Variants in PLAAT5 observed in about 807,000 individuals in gnomAD.
PLAAT5 encodes phospholipase A and acyltransferase 5.
Under a neutral mutation model 27.8 loss-of-function variants are expected in PLAAT5, and 27 were observed. The observed-to-expected ratio is 0.97, with a 90% CI of 0.72 to 1.34. The LOEUF is 1.34. Among genes scored for constraint, PLAAT5 ranks in the 40% most tolerant of loss-of-function variants. The probability of loss-of-function intolerance (pLI) is 0.00; values close to 1 mark genes in which losing one functional copy is unlikely to be tolerated. For synonymous variants in PLAAT5, 125 were observed against 136.1 expected (o/e 0.92, Z 0.57); for missense variants, 368 against 343.8 (o/e 1.07, Z -0.56).
intron 3 of PLAAT5, among the ~76,000 whole-genome samples, chr11:63,483,842 T>TATATACAC (rs1345938456): frequency 1.1e-5 from 1 of 94,008 alleles, no homozygotes; most frequent in Non-Finnish European, 2.2e-5. Flanking sequence ...TATATATATA[T>TATATACAC]ACACATATAT....
rs2016562329 is a variant in PLAAT5 at position 63,491,119 on chromosome 11, G to C, written c.-85C>G. On this transcript the variant is annotated 5_prime_UTR_variant, in exon 1 of 6. Coordinates refer to ENST00000540857, the MANE Select transcript of PLAAT5 (RefSeq NM_001146729.2). ...TCCCAGTCGGCGCGGCCCCTGGTCGGCGGAGCCGCGGAAGCTTGGGCACTG... is the reference window on the plus strand; with the variant it reads ...TCCCAGTCGGCGCGGCCCCTGGTCGCCGGAGCCGCGGAAGCTTGGGCACTG... The C allele has an allele frequency of 1.7e-6, 2 of 1,197,408 alleles. No individual in the cohort carries two copies. Among genetic ancestry groups the C allele is most frequent in the Admixed American group, 4.0e-5 (1 of 25,080 alleles). 74.2% of individuals were successfully genotyped at this position (1,197,408 alleles called of 1,614,324 possible).
chr11:63,489,989 G>A (rs554417602), intron 2 of PLAAT5, among the ~76,000 whole-genome samples: 1 of 152,350 alleles, frequency 6.6e-6, no homozygotes, highest in Non-Finnish European at 1.5e-5. Flanking sequence ...TCCTGCTAAA[G>A]CCATTCATTT....
chr11:63,482,059 TA>T (rs1021154972), intron 3 of PLAAT5, among the ~76,000 whole-genome samples: 4 of 149,188 alleles, frequency 2.7e-5, no homozygotes, highest in Admixed American at 1.3e-4. Context: ...AGTATAATAA[TA>T]AAAAAAAAGA....
At chr11:63,464,664 A>AG (rs2015810188) in intron 5 of PLAAT5, among the ~76,000 whole-genome samples, 1 of 151,968 alleles carries the variant, frequency 6.6e-6, no homozygotes, top group South Asian at 2.1e-4. Context: ...TCAAAAAAAA[A>AG]GGGGAGTAGT....
rs139644791 is a variant in PLAAT5, at chr11:63,466,127, C to T, written c.700G>A (p.Val234Ile). ...GGTCACACCTGCTGGCTCCGGGGTA[C>T]GCCATATCTGAGGCCATTGACAAAG... Reference protein sequence around the residue: ...EHFVNGLRYGVPRSQQVEHAL... With the variant: ...EHFVNGLRYGIPRSQQVEHAL... The change falls in exon 5 of 6, where the codon GTA (valine) becomes ATA (isoleucine). Residue 234 changes from valine to isoleucine, a missense_variant. By Grantham distance (29) the Val-to-Ile change is conservative. Transcript: ENST00000540857. 104 of 1,614,040 alleles carry T rather than the reference C, an allele frequency of 6.4e-5. No individual in the cohort carries two copies. The highest frequency in any genetic ancestry group is 3.9e-4 in the African/African-American group (29 of 75,044).
At chr11:63,480,901 C>T (rs542013703) in intron 3 of PLAAT5, among the ~76,000 whole-genome samples, 21 of 152,272 alleles carry the variant, frequency 1.4e-4, no homozygotes, top group African/African-American at 4.6e-4. Context: ...CCCTGTTTGC[C>T]TTTGTGTGAT....
chr11:63,481,008 T>C (rs2016271037), intron 3 of PLAAT5, among the ~76,000 whole-genome samples: 1 of 152,258 alleles, frequency 6.6e-6, no homozygotes, highest in African/African-American at 2.4e-5. Flanking sequence ...AAGTGTGTCT[T>C]TCATTTCCAT....
chr11:63,475,174 G>T (rs2016122915), intron 3 of PLAAT5, among the ~76,000 whole-genome samples: 1 of 151,534 alleles, frequency 6.6e-6, no homozygotes, highest in Admixed American at 6.6e-5. Flanking sequence ...ATGTCAGTTA[G>T]TTGCTTACAT....
At position 63,466,863 on chromosome 11, in the gene PLAAT5, G is replaced by T. The variant is rs145591986; in HGVS notation, c.455-491C>A. On this transcript the variant is annotated intron_variant, in intron 4 of 5. Coordinates refer to ENST00000540857, the MANE Select transcript of PLAAT5 (RefSeq NM_001146729.2). ...CCAAGCAGGGCTCTGAATGGCACCT[G>T]CTCCTGCCAGCTTCCACCTACAGCC... Among the ~76,000 whole-genome samples, 330 of 152,298 alleles carry T rather than the reference G, an allele frequency of 2.2e-3. 1 individual carries two copies. Among genetic ancestry groups the T allele is most frequent in the Non-Finnish European group, 3.5e-3 (241 of 68,022 alleles).
chr11:63,479,385 A>G (rs1171374761), intron 3 of PLAAT5, among the ~76,000 whole-genome samples: 1 of 152,242 alleles, frequency 6.6e-6, no homozygotes, highest in Non-Finnish European at 1.5e-5. Context: ...AGGATCAGAG[A>G]AACTGTTTTA....
Position 63,490,933 on chromosome 11 carries a change from G to A in PLAAT5, c.102C>T (p.Pro34=). The change falls in exon 1 of 6, where the codon CCC becomes CCT. Residue 34 remains proline (P), a synonymous_variant. Transcript: ENST00000540857. ...KPASRTASTG[P]KDQPPALRRS... is the part of the protein sequence containing the mutation. ...GTCTGAGCGCAGGCGGCTGGTCCTT[G>A]GGCCCGGTACTGGCGGTTCGCGAGG... is the stretch of plus-strand genomic sequence containing the variant. 6.2e-7 allele frequency: 1 copy of A among 1,604,558 alleles called. No homozygotes were observed. The highest frequency in any genetic ancestry group is 8.5e-7 in the Non-Finnish European group (1 of 1,175,934).
chr11:63,463,458 T>A lies in PLAAT5; in HGVS notation c.*45A>T, dbSNP rs754728580. The A allele has an allele frequency of 2.8e-6, 4 of 1,427,452 alleles. No homozygotes were observed. The South Asian group carries it at 4.6e-5, about 16-fold the overall frequency. The allele number at this position is 1,427,452 out of a possible 1,614,324, so 88.4% of individuals were successfully genotyped here. A position where few individuals can be genotyped will look rare whatever the true frequency, so the allele number is the denominator to read the frequency against. On this transcript the variant is annotated 3_prime_UTR_variant, in exon 6 of 6. Transcript: ENST00000540857. ...GCAAGGGAAGGAAGCATGTTCTTTT[T>A]GCTTGTGTCAGTAACTCTTCCTCTA...
At chr11:63,490,183 CAA>C in intron 2 of PLAAT5, 58 bp downstream of exon 2, 1 of 1,610,394 alleles carries the variant, frequency 6.2e-7, no homozygotes, top group South Asian at 1.1e-5. Context: ...AACTGCATTC[CAA>C]GTCAATTCTC....
intron 5 of PLAAT5, among the ~76,000 whole-genome samples, chr11:63,464,429 G>A (rs763393137): frequency 2.6e-5 from 4 of 152,182 alleles, no homozygotes; most frequent in South Asian, 2.1e-4. Context: ...AGGCTGAGGC[G>A]TGTGGGTCAC....
rs147723429 is a variant in PLAAT5 at position 63,466,922 on chromosome 11, T to G, written c.455-550A>C. On this transcript the variant is annotated intron_variant, in intron 4 of 5. Coordinates refer to ENST00000540857, the MANE Select transcript of PLAAT5 (RefSeq NM_001146729.2). ...GACCTCTACTCAAATACGGGGATTC[T>G]CATTAAGGGTATGTTTGAAAACAGG... Among the ~76,000 whole-genome samples the G allele has an allele frequency of 4.9e-3, 747 of 152,246 alleles. 11 individuals carry two copies. Among genetic ancestry groups the G allele is most frequent in the African/African-American group, 0.017 (690 of 41,532 alleles).
At chr11:63,464,384 G>A (rs1017201822) in intron 5 of PLAAT5, among the ~76,000 whole-genome samples, 1 of 152,204 alleles carries the variant, frequency 6.6e-6, no homozygotes, top group Non-Finnish European at 1.5e-5. Flanking sequence ...TAGGTTGGGT[G>A]TGGTGGCTCA....
At chr11:63,489,071 T>C (rs1177308082) in intron 2 of PLAAT5, 95 bp from the exon 3 acceptor site, 6 of 884,026 alleles carry the variant, frequency 6.8e-6, no homozygotes. Flanking sequence ...AAGATGGCTT[T>C]TGGTTTGGAG....
Position 63,490,927 on chromosome 11 carries a change from G to T in PLAAT5, c.108C>A (p.Asp36Glu), listed in dbSNP as rs1356196957. Residue 36 changes from aspartate to glutamate, a missense_variant, in exon 1 of 6, where the codon GAC becomes GAA. Asp to Glu is a conservative substitution (Grantham distance 45, BLOSUM62 2). Coordinates refer to ENST00000540857, the MANE Select transcript of PLAAT5 (RefSeq NM_001146729.2). ...ASRTASTGPK[D>E]QPPALRRSAV... ...CTGAACGTCTGAGCGCAGGCGGCTG[G>T]TCCTTGGGCCCGGTACTGGCGGTTC... 6.2e-7 allele frequency: 1 copy of T among 1,603,816 alleles called. No individual in the cohort carries two copies. Among genetic ancestry groups the T allele is most frequent in the Non-Finnish European group, 8.5e-7 (1 of 1,175,494 alleles).
chr11:63,468,536 G>C, intron 3 of PLAAT5, 71 bp from the exon 4 acceptor site: 1 of 1,136,850 alleles, frequency 8.8e-7, no homozygotes, highest in Non-Finnish European at 1.3e-6. Context: ...TAGGATCAGG[G>C]ACAGCTCAGC....
Sources: gnomAD v4.1 joint callset for allele counts (sites outside exome capture counted in the v4.1 genomes callset) on GRCh38, gnomAD v4.1.1 for gene constraint, MANE v1.5 for transcripts, NCBI Gene and HGNC (gene_info 2026-07-23, HGNC 2026-07-21) for gene names.